The following DLG2 variants were observed in gnomAD, a reference collection of about 807,000 sequenced individuals.
The protein encoded by DLG2 is discs large MAGUK scaffold protein 2, also known as disks large homolog 2.
DLG2 carries 45 observed loss-of-function variants against 132.5 expected under a neutral mutation model. That is an observed-to-expected ratio of 0.34 (90% CI 0.27 to 0.44). DLG2 has a LOEUF of 0.44. Among genes scored for constraint, DLG2 ranks in the 20% least tolerant of loss-of-function variants. The probability of loss-of-function intolerance (pLI) is 1.00; values close to 1 mark genes in which losing one functional copy is unlikely to be tolerated. For synonymous variants in DLG2, 424 were observed against 419.6 expected, an observed-to-expected ratio of 1.01 and a Z score of -0.13; for missense variants, 1,045 against 1,196.9, an observed-to-expected ratio of 0.87 and a Z score of 1.87.
chr11:83,890,529 T>A (rs1041887992), intron 15 of DLG2, among the ~76,000 whole-genome samples: 1 of 152,168 alleles, frequency 6.6e-6, no homozygotes, highest in Non-Finnish European at 1.5e-5. Flanking sequence ...GGAAGGAGCA[T>A]GGGCTTGGGA....
intron 6 of DLG2, among the ~76,000 whole-genome samples, chr11:85,051,818 T>C (rs897079470): frequency 2.0e-5 from 3 of 152,090 alleles, no homozygotes; most frequent in African/African-American, 7.2e-5. Context: ...ATAAATTAAA[T>C]TGCATGCAAA....
intron 15 of DLG2, among the ~76,000 whole-genome samples, chr11:83,883,848 A>C (rs920562072): frequency 6.6e-6 from 1 of 152,176 alleles, no homozygotes; most frequent in Non-Finnish European, 1.5e-5. Flanking sequence ...CTTCACAAAG[A>C]AAATGAAAAA....
intron 10 of DLG2, among the ~76,000 whole-genome samples, chr11:84,098,502 G>A (rs7935399): frequency 0.82 from 124,762 of 152,118 alleles, 52,180 homozygotes; most frequent in Middle Eastern, 0.94. Context: ...TAAACGCCTA[G>A]AGAAAGCCCT....
At chr11:84,012,889 C>G (rs2094963325) in intron 11 of DLG2, among the ~76,000 whole-genome samples, 1 of 152,038 alleles carries the variant, frequency 6.6e-6, no homozygotes. Flanking sequence ...ACACTGTAAC[C>G]AAGGTGGAAC....
intron 14 of DLG2, among the ~76,000 whole-genome samples, chr11:83,933,139 G>T (rs2080706856): frequency 6.6e-6 from 1 of 152,180 alleles, no homozygotes; most frequent in African/African-American, 2.4e-5. Context: ...AACCATCACT[G>T]AAATCTGGGT....
At chr11:84,324,631 T>A (rs1329759094) in intron 7 of DLG2, among the ~76,000 whole-genome samples, 1 of 152,166 alleles carries the variant, frequency 6.6e-6, no homozygotes, top group Non-Finnish European at 1.5e-5. Flanking sequence ...CTTTGAGTAA[T>A]ATGGACATTT....
intron 3 of DLG2, among the ~76,000 whole-genome samples, chr11:85,498,113 C>CA (rs906560848): frequency 6.6e-6 from 1 of 152,072 alleles, no homozygotes; most frequent in African/African-American, 2.4e-5. Context: ...CTAAATGCCC[C>CA]AATTAAAAGA....
At chr11:84,062,956 C>A (rs886771324) in intron 10 of DLG2, among the ~76,000 whole-genome samples, 4 of 152,218 alleles carry the variant, frequency 2.6e-5, no homozygotes, top group African/African-American at 4.8e-5. Context: ...CAACTGTATT[C>A]ATTTTGAAGC....
chr11:84,661,504 T>A (rs1183832302), intron 6 of DLG2, among the ~76,000 whole-genome samples: 1 of 152,180 alleles, frequency 6.6e-6, no homozygotes, highest in South Asian at 2.1e-4. Flanking sequence ...GTTTGTAAAG[T>A]GCATCTTAAA....
At chr11:83,989,466 G>C (rs530808540) in intron 11 of DLG2, among the ~76,000 whole-genome samples, 1 of 152,284 alleles carries the variant, frequency 6.6e-6, no homozygotes, top group South Asian at 2.1e-4. Flanking sequence ...GGCATAATCT[G>C]TCTGGTTTGG....
At chr11:85,153,657 A>G (rs956506405) in intron 5 of DLG2, among the ~76,000 whole-genome samples, 1 of 152,198 alleles carries the variant, frequency 6.6e-6, no homozygotes, top group African/African-American at 2.4e-5. Flanking sequence ...ACCATATTAA[A>G]TATGAAGTAT....
intron 7 of DLG2, among the ~76,000 whole-genome samples, chr11:84,489,578 C>G (rs1029518290): frequency 3.9e-5 from 6 of 152,054 alleles, no homozygotes; most frequent in African/African-American, 4.8e-5. Context: ...TTATACAAAC[C>G]TAGCTCCTAA....
chr11:85,215,750 A>G (rs1017576794), intron 4 of DLG2, among the ~76,000 whole-genome samples: 66 of 152,316 alleles, frequency 4.3e-4, no homozygotes, highest in African/African-American at 1.4e-3. Flanking sequence ...TTAAAATGCT[A>G]CATAAACCCA....
chr11:84,500,550 C>T (rs763753504), intron 7 of DLG2, among the ~76,000 whole-genome samples: 1 of 152,304 alleles, frequency 6.6e-6, no homozygotes, highest in Middle Eastern at 3.4e-3. Flanking sequence ...CTCATCCTTG[C>T]ATTCTCTATA....
chr11:85,069,473 C>A (rs940414886), intron 6 of DLG2, among the ~76,000 whole-genome samples: 1 of 152,002 alleles, frequency 6.6e-6, no homozygotes, highest in African/African-American at 2.4e-5. Flanking sequence ...ACAAACAACC[C>A]CATCAAAAAG....
In DLG2 at chr11:85,476,803, T is replaced by C. The variant is rs1235236729; in HGVS notation, c.40+121854A>G. On this transcript the variant is annotated intron_variant, in intron 3 of 27. Transcript: ENST00000376104. ...TACTATGATTAACAATGCCTTCTTCTAGAATACCTCCTGAAGGACCTGTCT... is the reference window on the plus strand; with the variant it reads ...TACTATGATTAACAATGCCTTCTTCCAGAATACCTCCTGAAGGACCTGTCT... 2.6e-5 allele frequency among the ~76,000 whole-genome samples: 4 copies of C among 152,136 alleles called. No homozygotes were observed. The East Asian group carries it at 7.7e-4, about 29-fold the overall frequency.
intron 7 of DLG2, among the ~76,000 whole-genome samples, chr11:84,464,458 A>G (rs72943719): frequency 0.019 from 2,841 of 151,304 alleles, 39 homozygotes; most frequent in South Asian, 0.036. Flanking sequence ...TAATATCCCT[A>G]TATCTCAATC....
chr11:83,501,148 G>A (rs1443811257), intron 21 of DLG2, among the ~76,000 whole-genome samples: 3 of 150,230 alleles, frequency 2.0e-5, no homozygotes, highest in Middle Eastern at 3.4e-3. Context: ...CAGAACATAC[G>A]TTGTTGGTCA....
At chr11:85,293,578 G>A (rs1249077382) in intron 3 of DLG2, among the ~76,000 whole-genome samples, 1 of 152,010 alleles carries the variant, frequency 6.6e-6, no homozygotes, top group Non-Finnish European at 1.5e-5. Flanking sequence ...ATTATAAGAC[G>A]TTCTACTACA....
Sources: allele counts gnomAD v4.1 joint callset (sites outside exome capture counted in the v4.1 genomes callset), GRCh38; gene constraint gnomAD v4.1.1; transcripts MANE v1.5; gene names NCBI Gene and HGNC (gene_info 2026-07-23, HGNC 2026-07-21).